ABCC3: variants seen among roughly 807,000 people sequenced by gnomAD.
ABCC3 encodes ATP binding cassette subfamily C member 3, also known as ATP-binding cassette sub-family C member 3.
ABCC3 carries 121 observed loss-of-function variants against 165.3 expected under a neutral mutation model. That is an observed-to-expected ratio of 0.73 (90% CI 0.63 to 0.85). ABCC3 has a LOEUF of 0.85. Among genes scored for constraint, ABCC3 ranks in the 40% least tolerant of loss-of-function variants. The pLI, the probability that ABCC3 is intolerant of heterozygous loss-of-function variation, is 0.00. For missense variants in ABCC3, 1,869 were observed against 1,964.1 expected (o/e 0.95, Z 0.92); for synonymous variants, 733 against 810.1 (o/e 0.90, Z 1.62).
chr17:50,658,402 C>A (rs1967304343), intron 5 of ABCC3, 33 bp from the exon 6 acceptor site: 1 of 1,607,642 alleles, frequency 6.2e-7, no homozygotes, highest in African/African-American at 1.3e-5. Flanking sequence ...GTGGGCACTC[C>A]TGATTCCCCC....
intron 18 of ABCC3, 88 bp downstream of exon 18, chr17:50,673,226 C>T: frequency 1.3e-6 from 2 of 1,530,596 alleles, no homozygotes; most frequent in Non-Finnish European, 1.8e-6. Flanking sequence ...TTGGATGAGA[C>T]TTGGAGGTGT....
Position 50,673,458 on chromosome 17 carries a change from C to T in ABCC3, c.2410-11C>T, listed in dbSNP as rs771143736. On this transcript the variant is annotated splice_polypyrimidine_tract_variant and intron_variant, in intron 18 of 30. Transcript: ENST00000285238. ...GGTGGTAGGGGTGAGAGCCTGCTGC[C>T]TTCTCCCCAGACGCGAGTGCTGGTG... 1 of 1,612,496 alleles carries T rather than the reference C, an allele frequency of 6.2e-7. No individual in the cohort carries two copies. The highest frequency in any genetic ancestry group is 8.5e-7 in the Non-Finnish European group (1 of 1,178,896).
intron 1 of ABCC3, among the ~76,000 whole-genome samples, chr17:50,652,221 A>G (rs1172721667): frequency 6.6e-6 from 1 of 152,242 alleles, no homozygotes; most frequent in Non-Finnish European, 1.5e-5. Flanking sequence ...ATAAACATAA[A>G]CAGCAACAGA....
At position 50,667,607 on chromosome 17, in the gene ABCC3, G is replaced by A; in HGVS notation, c.1485G>A (p.Leu495=). Reference sequence around the variant, plus strand: ...GCATCAAGCTGATGAGTGAGATCCTGAACGGCATCAAGGTGCTGAAGCTGT... The same window carrying A: ...GCATCAAGCTGATGAGTGAGATCCTAAACGGCATCAAGGTGCTGAAGCTGT... ...DSRIKLMSEI[L]NGIKVLKLYA... The change falls in exon 12 of 31, where the codon CTG becomes CTA. Residue 495 remains leucine (L), a synonymous_variant. Transcript: ENST00000285238. 1 of 1,614,158 alleles carries A rather than the reference G, an allele frequency of 6.2e-7. No homozygotes were observed. The highest frequency in any genetic ancestry group is 2.2e-5 in the East Asian group (1 of 44,880).
chr17:50,673,950 TTC>T, intron 19 of ABCC3, among the ~76,000 whole-genome samples: 1 of 17,288 alleles, frequency 5.8e-5, no homozygotes, highest in East Asian at 1.3e-3. Context: ...CTTTCTTTCT[TTC>T]TTTCTTTCTT....
At chr17:50,665,108 G>T in intron 10 of ABCC3, 45 bp from the exon 11 acceptor site, 1 of 1,549,678 alleles carries the variant, frequency 6.5e-7, no homozygotes, top group Non-Finnish European at 8.9e-7. Context: ...TGTAGACTTT[G>T]GTAATCTGTC....
In ABCC3 at chr17:50,661,000, G is replaced by A. The variant is rs1194635875; in HGVS notation, c.884G>A (p.Arg295Gln). The A allele has an allele frequency of 9.9e-6, 16 of 1,613,892 alleles. No individual in the cohort carries two copies. Among genetic ancestry groups the A allele is most frequent in the Middle Eastern group, 1.6e-4 (1 of 6,084 alleles). Residue 295 changes from arginine (R) to glutamine (Q), a missense_variant, in exon 8 of 31, where the codon CGG becomes CAG. Transcript: ENST00000285238. ...EVLLGARPRP[R>Q]KPSFLKALLA... ...CTGCTGGGTGCCCGGCCCAGGCCCC[G>A]GAAGCCCTCCTTCCTGAAGGCCCTG...
Position 50,655,965 on chromosome 17 carries a change from G to T in ABCC3, c.179G>T (p.Cys60Phe). Residue 60 changes from cysteine (C) to phenylalanine (F), a missense_variant, in exon 2 of 31, where the codon TGT (cysteine) becomes TTT (phenylalanine). Coordinates refer to ENST00000285238, the MANE Select transcript of ABCC3 (RefSeq NM_003786.4). ...TACTTGCTCTACCTGCGGCACCATT[G>T]TCGTGGCTACATCATCCTCTCCCAC... is the stretch of plus-strand genomic sequence containing the variant. ...PCYLLYLRHH[C>F]RGYIILSHLS... 3 of 1,614,084 alleles carry T rather than the reference G, an allele frequency of 1.9e-6. No individual in the cohort carries two copies. The highest frequency in any genetic ancestry group is 2.5e-6 in the Non-Finnish European group (3 of 1,179,996).
chr17:50,684,707 A>C lies in ABCC3; in HGVS notation c.4114-2A>C, dbSNP rs773920687. 1 of 1,613,512 alleles carries C rather than the reference A, an allele frequency of 6.2e-7. No homozygotes were observed. Among genetic ancestry groups the C allele is most frequent in the South Asian group, 1.1e-5 (1 of 90,996 alleles). ...CCCTCTGAGGCCACGTTGTATCCCC[A>C]GGACCCCATCCTGTTCTCGGGGACC... On this transcript the variant is annotated splice_acceptor_variant, in intron 28 of 30. Coordinates refer to ENST00000285238, the MANE Select transcript of ABCC3 (RefSeq NM_003786.4). LOFTEE classifies it high-confidence loss of function.
chr17:50,675,743 C>G lies in ABCC3; in HGVS notation c.2827C>G (p.Leu943Val), dbSNP rs1567836453. ...GACAGAGGCGAAGGCAGATGGGGCA[C>G]TGACCCAGGAGGAGAAAGCAGCCAT... is the stretch of plus-strand genomic sequence containing the variant. Reference protein sequence around the residue: ...QVTEAKADGALTQEEKAAIGT... With the variant: ...QVTEAKADGAVTQEEKAAIGT... Residue 943 changes from leucine (L) to valine (V), a missense_variant, in exon 21 of 31, where the codon CTG becomes GTG. By Grantham distance (32) the Leu-to-Val change is conservative (BLOSUM62 1). Transcript: ENST00000285238. 6.4e-7 allele frequency: 1 copy of G among 1,563,502 alleles called. No individual in the cohort carries two copies. Among genetic ancestry groups the G allele is most frequent in the Non-Finnish European group, 8.7e-7 (1 of 1,153,692 alleles).
intron 1 of ABCC3, among the ~76,000 whole-genome samples, chr17:50,648,566 G>A (rs1967049165): frequency 6.6e-6 from 1 of 152,124 alleles, no homozygotes; most frequent in Non-Finnish European, 1.5e-5. Flanking sequence ...CCAGTTGTTG[G>A]GGGAGTCTTC....
Position 50,675,643 on chromosome 17 carries a change from C to A in ABCC3, c.2727C>A (p.Ala909=). 1.3e-6 allele frequency: 2 copies of A among 1,568,910 alleles called. No individual in the cohort carries two copies. The highest frequency in any genetic ancestry group is 1.7e-6 in the Non-Finnish European group (2 of 1,157,044). ...VQKQFMRQLS[A]LSSDGEGQGR... ...GCTGCCTCCACAGACAGCTGAGTGC[C>A]CTGTCCTCAGATGGGGAGGGACAGG... Residue 909 remains alanine (A), a synonymous_variant, in exon 21 of 31, where the codon GCC becomes GCA. Coordinates refer to ENST00000285238, the MANE Select transcript of ABCC3 (RefSeq NM_003786.4).
Position 50,690,747 on chromosome 17 carries a change from A to G in ABCC3, c.4476-345A>G, listed in dbSNP as rs77073476. On this transcript the variant is annotated intron_variant, in intron 30 of 30. Coordinates refer to ENST00000285238, the MANE Select transcript of ABCC3 (RefSeq NM_003786.4). ...TTGTGAGCCGACACAAAGCAGATGG[A>G]TGTGCACAGAGCCCAGCGCACAGGC... 9.3e-3 allele frequency among the ~76,000 whole-genome samples: 1,416 copies of G among 152,306 alleles called. 32 individuals carry two copies. The highest frequency in any genetic ancestry group is 0.049 in the Admixed American group (749 of 15,302).
At chr17:50,687,238 G>T in intron 29 of ABCC3, 1 of 415,236 alleles carries the variant, frequency 2.4e-6, no homozygotes, top group Non-Finnish European at 4.4e-6. Flanking sequence ...AAACATCACG[G>T]CACTAGCTGA....
In ABCC3 at chr17:50,675,435, C is replaced by T; in HGVS notation, c.2673C>T (p.Asp891=). ...TCAGCAACCACACGGATCTGACAGA[C>T]AATGATCCAGTCACCTATGTGGTCC... The part of the protein sequence containing the change: ...DTLSNHTDLT[D]NDPVTYVVQK... The change falls in exon 20 of 31, where the codon GAC becomes GAT. Residue 891 remains aspartate, a synonymous_variant. Transcript: ENST00000285238. 1 of 1,614,094 alleles carries T rather than the reference C, an allele frequency of 6.2e-7. No homozygotes were observed. The highest frequency in any genetic ancestry group is 1.7e-5 in the Admixed American group (1 of 60,018).
Position 50,655,882 on chromosome 17 carries a change from C to T in ABCC3, c.96C>T (p.Phe32=), listed in dbSNP as rs1312554954. The T allele has an allele frequency of 1.2e-6, 2 of 1,613,876 alleles. No homozygotes were observed. Among genetic ancestry groups the T allele is most frequent in the African/African-American group, 1.3e-5 (1 of 74,864 alleles). ...AAAACCCGGACCTCACTCCCTGCTT[C>T]CAGAACTCCCTGCTGGCCTGGGTGC... ...HTENPDLTPC[F]QNSLLAWVPC... The change falls in exon 2 of 31, where the codon TTC becomes TTT. Residue 32 remains phenylalanine (F), a synonymous_variant. Coordinates refer to ENST00000285238, the MANE Select transcript of ABCC3 (RefSeq NM_003786.4).
intron 1 of ABCC3, among the ~76,000 whole-genome samples, chr17:50,637,569 G>T (rs1256312076): frequency 1.3e-5 from 2 of 152,200 alleles, no homozygotes; most frequent in African/African-American, 2.4e-5. Flanking sequence ...TGCAAGGAGG[G>T]GGTGGGGTGT....
intron 30 of ABCC3, 67 bp from the exon 31 acceptor site, chr17:50,691,025 C>A: frequency 7.9e-7 from 1 of 1,270,880 alleles, no homozygotes; most frequent in Non-Finnish European, 1.1e-6. Flanking sequence ...CCCAGAAGAG[C>A]AGGATTAGAC....
At chr17:50,684,670 C>T (rs1387311518) in intron 28 of ABCC3, 39 bp from the exon 29 acceptor site, 1 of 1,599,606 alleles carries the variant, frequency 6.3e-7, no homozygotes, top group Non-Finnish European at 8.5e-7. Context: ...CCTCATAGGG[C>T]CTAAGCTGCC....
Sources: allele counts gnomAD v4.1 joint callset (sites outside exome capture counted in the v4.1 genomes callset), GRCh38; gene constraint gnomAD v4.1.1; transcripts MANE v1.5; gene names NCBI Gene and HGNC (gene_info 2026-07-23, HGNC 2026-07-21).